The following TEX9 variants were observed in gnomAD, a reference collection of about 807,000 sequenced individuals.
The protein encoded by TEX9 is testis-expressed protein 9.
Under a neutral mutation model 59.6 loss-of-function variants are expected in TEX9, and 74 were observed. The ratio of observed to expected loss-of-function variants is 1.24; its 90% confidence interval spans 1.03 to 1.51. The LOEUF is 1.51. TEX9 is among the 40% of genes most tolerant of loss of function. TEX9 has a pLI of 0.00. For synonymous variants in TEX9, 186 were observed against 152.2 expected, an observed-to-expected ratio of 1.22 and a Z score of -1.64; for missense variants, 522 against 447.8, an observed-to-expected ratio of 1.17 and a Z score of -1.49.
exon 2 of TEX9, chr15:56,365,645 C>A: frequency 1.2e-6 from 2 of 1,614,192 alleles, no homozygotes; most frequent in Non-Finnish European, 1.7e-6. Context: ...TGGACCCGAC[C>A]TCCTCGCCTT....
intron 12 of TEX9, chr15:56,444,634 G>A: frequency 6.2e-7 from 1 of 1,611,992 alleles, no homozygotes; most frequent in Non-Finnish European, 8.5e-7. Context: ...ATTCTCTTGT[G>A]TTCTTCCATC....
At chr15:56,286,887 T>TG (rs11403800) in intron 1 of TEX9, among the ~76,000 whole-genome samples, 1 of 152,124 alleles carries the variant, frequency 6.6e-6, no homozygotes, top group Non-Finnish European at 1.5e-5. Flanking sequence ...TTGGCATATT[T>TG]TAACTATTTC....
At chr15:56,425,121 T>C (rs2050179757) in intron 10 of TEX9, among the ~76,000 whole-genome samples, 1 of 152,178 alleles carries the variant, frequency 6.6e-6, no homozygotes, top group Non-Finnish European at 1.5e-5. Context: ...ATCTTACAGA[T>C]GCTCCCTTGC....
At chr15:56,391,307 G>T (rs1596167227) in exon 7 of TEX9, 2 of 1,601,996 alleles carry the variant, frequency 1.2e-6, no homozygotes. Flanking sequence ...GGATTTCTCA[G>T]ACTTTTCCCT....
intron 1 of TEX9, among the ~76,000 whole-genome samples, chr15:56,342,284 A>G (rs1418834024): frequency 1.3e-5 from 2 of 152,046 alleles, no homozygotes; most frequent in Non-Finnish European, 2.9e-5. Context: ...TATTATCCCT[A>G]TTTTTCAGAT....
At chr15:56,305,919 CAA>C (rs2045471811) in intron 1 of TEX9, among the ~76,000 whole-genome samples, 1 of 151,758 alleles carries the variant, frequency 6.6e-6, no homozygotes. Context: ...TCAAATAACT[CAA>C]AGAGAAAAAA....
chr15:56,429,724 G>GTAT (rs112059093), intron 12 of TEX9: 1 of 152,048 alleles, frequency 6.6e-6, no homozygotes, highest in African/African-American at 2.4e-5. Context: ...TACTGCAAAA[G>GTAT]GCTCTTTAAA....
At chr15:56,428,196 T>C (rs2050410886) in intron 11 of TEX9, among the ~76,000 whole-genome samples, 171 bp from the exon 12 acceptor site, 1 of 152,094 alleles carries the variant, frequency 6.6e-6, no homozygotes, top group Non-Finnish European at 1.5e-5. Context: ...TCAGTACTAC[T>C]GTTGGACAAT....
intron 12 of TEX9, among the ~76,000 whole-genome samples, chr15:56,437,601 G>T (rs1484371344): frequency 6.6e-6 from 1 of 152,134 alleles, no homozygotes; most frequent in Non-Finnish European, 1.5e-5. Flanking sequence ...ACATAGTGTT[G>T]GAAGTTCTGG....
At chr15:56,244,541 C>T (rs777181180) in intron 1 of TEX9, among the ~76,000 whole-genome samples, 89 of 152,234 alleles carry the variant, frequency 5.8e-4, no homozygotes, top group Non-Finnish European at 1.2e-3. Flanking sequence ...TTCATTCTTC[C>T]TTCGTGCCTT....
intron 1 of TEX9, among the ~76,000 whole-genome samples, chr15:56,320,824 T>G (rs184179406): frequency 1.2e-4 from 19 of 152,350 alleles, no homozygotes; most frequent in Admixed American, 9.8e-4. Context: ...CATACTGGTC[T>G]AATACTAAAG....
chr15:56,434,463 A>ATAT, intron 12 of TEX9: 2 of 1,469,252 alleles, frequency 1.4e-6, no homozygotes, highest in Non-Finnish European at 1.8e-6. Context: ...GGAAAGAGTG[A>ATAT]TAGAGTTTGG....
intron 3 of TEX9, among the ~76,000 whole-genome samples, chr15:56,380,321 T>C (rs1478710555): frequency 1.3e-5 from 2 of 152,192 alleles, no homozygotes; most frequent in African/African-American, 4.8e-5. Context: ...CACTTTACTT[T>C]TATCTCCCTA....
chr15:56,428,371 A>G (rs1567143169), exon 12 of TEX9: 5 of 1,610,814 alleles, frequency 3.1e-6, no homozygotes, highest in Non-Finnish European at 3.4e-6. Context: ...TAACAGATGC[A>G]TATTGAAGCT....
At chr15:56,399,344 G>A (rs1382998056) in intron 9 of TEX9, among the ~76,000 whole-genome samples, 1 of 152,246 alleles carries the variant, frequency 6.6e-6, no homozygotes, top group East Asian at 1.9e-4. Flanking sequence ...CACCCACGGA[G>A]CCTTGCTCAC....
intron 1 of TEX9, among the ~76,000 whole-genome samples, chr15:56,308,470 T>C (rs1326349654): frequency 1.3e-5 from 2 of 152,340 alleles, no homozygotes; most frequent in Admixed American, 6.5e-5. Context: ...CTTTATCAGA[T>C]ATATGATTTG....
chr15:56,333,470 T>C (rs2046197083), intron 1 of TEX9, among the ~76,000 whole-genome samples: 1 of 52,060 alleles, frequency 1.9e-5, no homozygotes, highest in African/African-American at 5.9e-5. Context: ...TCAACACTCC[T>C]TCATGATAAA....
chr15:56,403,846 A>G (rs2048928625), intron 9 of TEX9, among the ~76,000 whole-genome samples: 1 of 152,218 alleles, frequency 6.6e-6, no homozygotes, highest in African/African-American at 2.4e-5. Flanking sequence ...CAACCATCTG[A>G]TCTTTGACAA....
exon 5 of TEX9, chr15:56,388,508 T>C (rs775238671): frequency 6.2e-7 from 1 of 1,611,608 alleles, no homozygotes; most frequent in Non-Finnish European, 8.5e-7. Flanking sequence ...TTCATCTTCA[T>C]TCAGAAACTA....
Sources: gnomAD v4.1 joint callset for allele counts (sites outside exome capture counted in the v4.1 genomes callset) on GRCh38, gnomAD v4.1.1 for gene constraint, MANE v1.5 for transcripts, NCBI Gene and HGNC (gene_info 2026-07-23, HGNC 2026-07-21) for gene names.